The following DLGAP2 variants were observed in gnomAD, a reference collection of about 807,000 sequenced individuals.
The protein encoded by DLGAP2 is disks large-associated protein 2.
A neutral mutation model predicts 100.3 loss-of-function variants in DLGAP2; 26 were observed. The ratio of observed to expected loss-of-function variants is 0.26; its 90% CI spans 0.19 to 0.36. DLGAP2 has a LOEUF of 0.36. Ranked by LOEUF, DLGAP2 falls within the 10% of genes least tolerant of loss-of-function variation. DLGAP2 has a pLI of 1.00. For missense variants in DLGAP2, 1,858 were observed against 1,453.2 expected, an observed-to-expected ratio of 1.28 and a Z score of -4.53; for synonymous variants, 886 against 630.1, an observed-to-expected ratio of 1.41 and a Z score of -6.08.
chr8:1,535,073 C>T (rs968989487), intron 4 of DLGAP2, among the ~76,000 whole-genome samples: 1 of 152,244 alleles, frequency 6.6e-6, no homozygotes, highest in Admixed American at 6.5e-5. Context: ...GAGCCACCTT[C>T]TGTAGGGCAA....
At chr8:1,233,596 C>G (rs947658161) in intron 2 of DLGAP2, among the ~76,000 whole-genome samples, 2 of 152,136 alleles carry the variant, frequency 1.3e-5, no homozygotes, top group Non-Finnish European at 2.9e-5. Context: ...GAAGATGGAA[C>G]TCAGTCTCGG....
intron 1 of DLGAP2, among the ~76,000 whole-genome samples, chr8:768,902 C>A (rs899688471): frequency 2.0e-5 from 3 of 152,138 alleles, no homozygotes; most frequent in Non-Finnish European, 2.9e-5. Flanking sequence ...CTGTGTGGGG[C>A]TGAGGACGCT....
At chr8:1,149,176 C>T (rs750199301) in intron 2 of DLGAP2, among the ~76,000 whole-genome samples, 8 of 152,042 alleles carry the variant, frequency 5.3e-5, no homozygotes, top group African/African-American at 9.6e-5. Context: ...GATGGAGCCT[C>T]GCTCTGTTGC....
At chr8:1,090,209 C>T (rs1035674679) in intron 2 of DLGAP2, among the ~76,000 whole-genome samples, 3 of 147,088 alleles carry the variant, frequency 2.0e-5, no homozygotes, top group African/African-American at 7.6e-5. Flanking sequence ...TGTCTGCGCT[C>T]TGGAGCCCTC....
At chr8:1,010,622 A>C (rs1396895177) in intron 2 of DLGAP2, among the ~76,000 whole-genome samples, 1 of 152,230 alleles carries the variant, frequency 6.6e-6, no homozygotes, top group Non-Finnish European at 1.5e-5. Context: ...TTAATGATAT[A>C]AACAAAACCT....
At chr8:1,192,734 C>A (rs969799189) in intron 2 of DLGAP2, among the ~76,000 whole-genome samples, 1 of 151,008 alleles carries the variant, frequency 6.6e-6, no homozygotes, top group African/African-American at 2.4e-5. Flanking sequence ...AGGTTAGTTA[C>A]ATATGGAAAC....
chr8:1,550,412 C>G (rs890791723), intron 5 of DLGAP2, among the ~76,000 whole-genome samples: 1 of 152,148 alleles, frequency 6.6e-6, no homozygotes, highest in African/African-American at 2.4e-5. Context: ...AACCATCCCT[C>G]TAAACACAGT....
At position 965,667 on chromosome 8, in the gene DLGAP2, G is replaced by A. The variant is rs7841288; in HGVS notation, c.73+57701G>A. Among the ~76,000 whole-genome samples the A allele has an allele frequency of 1.3e-4, 15 of 112,226 alleles. 1 individual carries two copies. Among genetic ancestry groups the A allele is most frequent in the South Asian group, 5.7e-4 (2 of 3,506 alleles). The allele number at this position is 112,226 out of a possible 152,430, so 73.6% of individuals were successfully genotyped here. ...ACACAGGGCTCCTGAGTCTGACCCCGCACTGCACACGGCACTGTTCACCTC... is the reference window on the plus strand; with the variant it reads ...ACACAGGGCTCCTGAGTCTGACCCCACACTGCACACGGCACTGTTCACCTC... On this transcript the variant is annotated intron_variant, in intron 2 of 14. Coordinates refer to ENST00000637795, the MANE Select transcript of DLGAP2 (RefSeq NM_001346810.2).
chr8:911,591 G>A (rs1250467671), intron 2 of DLGAP2, among the ~76,000 whole-genome samples: 1 of 152,100 alleles, frequency 6.6e-6, no homozygotes, highest in African/African-American at 2.4e-5. Flanking sequence ...TATAATGTAT[G>A]TTGGAAGGAT....
intron 4 of DLGAP2, among the ~76,000 whole-genome samples, chr8:1,538,395 A>G (rs1235511122): frequency 1.3e-5 from 2 of 152,188 alleles, no homozygotes; most frequent in Non-Finnish European, 2.9e-5. Flanking sequence ...CTCTCCACAA[A>G]CACAGAATTC....
intron 4 of DLGAP2, among the ~76,000 whole-genome samples, chr8:1,504,654 G>C (rs1799842937): frequency 6.6e-6 from 1 of 152,162 alleles, no homozygotes; most frequent in South Asian, 2.1e-4. Flanking sequence ...CTGTCTTTCT[G>C]TGCCTGGCTT....
intron 12 of DLGAP2, among the ~76,000 whole-genome samples, chr8:1,686,537 G>T (rs765601873): frequency 6.6e-6 from 1 of 152,070 alleles, no homozygotes; most frequent in Non-Finnish European, 1.5e-5. Flanking sequence ...GCATGGTGGC[G>T]CACGCCTGTA....
In DLGAP2 at chr8:1,678,515, T is replaced by G. The variant is rs764608791; in HGVS notation, c.2590T>G (p.Cys864Gly). The change falls in exon 12 of 15, where the codon TGC (cysteine) becomes GGC (glycine). Residue 864 changes from cysteine to glycine, a missense_variant. Transcript: ENST00000637795. ...DTVETGRMSP[C>G]RRDGSWFLKL... The stretch of plus-strand genomic sequence containing the variant: ...GGTAGAGACTGGGAGGATGTCTCCG[T>G]GCCGCAGGGATGGCTCGTGGTTTTT... 6.2e-7 allele frequency: 1 copy of G among 1,609,032 alleles called. No homozygotes were observed.
chr8:998,780 C>T (rs1437334487), intron 2 of DLGAP2, among the ~76,000 whole-genome samples: 1 of 152,166 alleles, frequency 6.6e-6, no homozygotes, highest in African/African-American at 2.4e-5. Flanking sequence ...CCCTTTCTTT[C>T]CTTGGAGCTT....
At chr8:1,278,062 A>C (rs531481515) in intron 3 of DLGAP2, among the ~76,000 whole-genome samples, 1 of 152,272 alleles carries the variant, frequency 6.6e-6, no homozygotes, top group South Asian at 2.1e-4. Context: ...CAATTTCAAC[A>C]TTCAGGAGAC....
chr8:1,070,584 CAGAA>C (rs1165571837), intron 2 of DLGAP2, among the ~76,000 whole-genome samples: 5 of 152,106 alleles, frequency 3.3e-5, no homozygotes, highest in South Asian at 4.1e-4. Flanking sequence ...ATGTTCCAAA[CAGAA>C]AGACAGTTTG....
intron 2 of DLGAP2, among the ~76,000 whole-genome samples, chr8:1,056,827 A>T (rs1388288246): frequency 1.3e-5 from 2 of 152,238 alleles, no homozygotes; most frequent in Non-Finnish European, 2.9e-5. Context: ...CAATGAGTAC[A>T]TGCAACTGTG....
chr8:976,654 C>T (rs1275917664), intron 2 of DLGAP2, among the ~76,000 whole-genome samples: 1 of 152,034 alleles, frequency 6.6e-6, no homozygotes, highest in African/African-American at 2.4e-5. Flanking sequence ...CAAATAGGGC[C>T]AACCAATCTT....
At chr8:1,661,513 A>G (rs986814041) in intron 8 of DLGAP2, among the ~76,000 whole-genome samples, 4 of 152,214 alleles carry the variant, frequency 2.6e-5, no homozygotes, top group Non-Finnish European at 4.4e-5. Flanking sequence ...TCTCAAATCC[A>G]TCTCCCTGGC....
Sources: allele counts gnomAD v4.1 joint callset (sites outside exome capture counted in the v4.1 genomes callset), GRCh38; gene constraint gnomAD v4.1.1; transcripts MANE v1.5; gene names NCBI Gene and HGNC (gene_info 2026-07-23, HGNC 2026-07-21).